RARB: variants seen among roughly 807,000 people sequenced by gnomAD.
RARB encodes retinoic acid receptor beta.
A neutral mutation model predicts 51.9 loss-of-function variants in RARB; 17 were observed. That is an observed-to-expected ratio of 0.33 (90% CI 0.22 to 0.49). The LOEUF (loss-of-function observed/expected upper bound fraction) is 0.49. Among genes scored for constraint, RARB ranks in the 20% least tolerant of loss-of-function variants. RARB has a pLI of 0.99. For synonymous variants in RARB, 215 were observed against 195.4 expected, an observed-to-expected ratio of 1.10 and a Z score of -0.84; for missense variants, 369 against 550.8, an observed-to-expected ratio of 0.67 and a Z score of 3.30.
intron 3 of RARB, among the ~76,000 whole-genome samples, chr3:25,525,288 G>C (rs1698600823): frequency 6.6e-6 from 1 of 152,192 alleles, no homozygotes; most frequent in South Asian, 2.1e-4. Context: ...GAATGAAAGT[G>C]TGGTGTCATT....
chr3:25,208,612 T>A (rs898197718), intron 5 of RARB, among the ~76,000 whole-genome samples: 25 of 152,222 alleles, frequency 1.6e-4, no homozygotes, highest in African/African-American at 6.0e-4. Flanking sequence ...CTATTCTTTT[T>A]TTTTCTAGAA....
At position 25,145,259 on chromosome 3, in the gene RARB, C is replaced by T. The variant is rs560814799; in HGVS notation, c.-280+13051C>T. ...TTCTCTTCCAAATGCCTCCCTGTTC[C>T]CTTGACAGAAAGCCACGGCAATGGT... On this transcript the variant is annotated intron_variant, in intron 4 of 11. Coordinates refer to the RARB transcript ENST00000383772. Among the ~76,000 whole-genome samples the T allele has an allele frequency of 2.0e-3, 307 of 152,248 alleles. 1 individual carries two copies. The highest frequency in any genetic ancestry group is 7.2e-3 in the African/African-American group (298 of 41,552).
At chr3:25,474,924 T>C (rs143394581) in intron 2 of RARB, among the ~76,000 whole-genome samples, 3 of 152,328 alleles carry the variant, frequency 2.0e-5, no homozygotes, top group South Asian at 2.1e-4. Context: ...GAGTCTCATG[T>C]TGTGTACAGT....
chr3:24,851,587 C>T (rs561441780), intron 1 of RARB, among the ~76,000 whole-genome samples: 94 of 152,202 alleles, frequency 6.2e-4, no homozygotes, highest in Non-Finnish European at 1.2e-3. Context: ...CAATCACAGG[C>T]GGGACTCCAG....
At chr3:25,480,084 G>A (rs955804840) in intron 2 of RARB, among the ~76,000 whole-genome samples, 1 of 152,168 alleles carries the variant, frequency 6.6e-6, no homozygotes, top group African/African-American at 2.4e-5. Flanking sequence ...CCTATTACTG[G>A]TATGCAGCCC....
intron 2 of RARB, among the ~76,000 whole-genome samples, chr3:24,867,678 G>A (rs1251727481): frequency 6.6e-6 from 1 of 152,148 alleles, no homozygotes; most frequent in Non-Finnish European, 1.5e-5. Flanking sequence ...AGTGTGCTCA[G>A]TGTTGAAGCA....
chr3:25,082,556 A>G (rs902665115), intron 3 of RARB, among the ~76,000 whole-genome samples: 7 of 151,932 alleles, frequency 4.6e-5, no homozygotes, highest in African/African-American at 1.7e-4. Flanking sequence ...TTACCTTTCT[A>G]TTTACCCTCT....
chr3:25,150,234 G>C (rs1700262338), intron 4 of RARB, among the ~76,000 whole-genome samples: 1 of 151,896 alleles, frequency 6.6e-6, no homozygotes, highest in Non-Finnish European at 1.5e-5. Flanking sequence ...CATCTAACCT[G>C]ATACGCATAG....
intron 2 of RARB, among the ~76,000 whole-genome samples, chr3:24,979,455 CTCT>C (rs1696593058): frequency 6.6e-6 from 1 of 152,096 alleles, no homozygotes; most frequent in South Asian, 2.1e-4. Flanking sequence ...GGATAGTTAG[CTCT>C]TCTTGTTGGA....
chr3:25,013,990 C>A (rs1264301639), intron 2 of RARB, among the ~76,000 whole-genome samples: 1 of 151,936 alleles, frequency 6.6e-6, no homozygotes, highest in Non-Finnish European at 1.5e-5. Context: ...CTTGGTCTAC[C>A]CTTCTCCCTC....
intron 5 of RARB, among the ~76,000 whole-genome samples, chr3:25,343,794 C>T (rs1705304561): frequency 6.6e-6 from 1 of 152,110 alleles, no homozygotes; most frequent in South Asian, 2.1e-4. Flanking sequence ...ATTATTAATA[C>T]ATGTTCAGGT....
chr3:25,246,214 T>C (rs1016908480), intron 5 of RARB, among the ~76,000 whole-genome samples: 2 of 152,190 alleles, frequency 1.3e-5, no homozygotes, highest in Admixed American at 6.5e-5. Flanking sequence ...CAGTTAGCAG[T>C]ACTTCTAACA....
chr3:24,916,562 G>A (rs1370622784), intron 2 of RARB, among the ~76,000 whole-genome samples: 1 of 152,132 alleles, frequency 6.6e-6, no homozygotes, highest in Non-Finnish European at 1.5e-5. Context: ...GATGTCTGAT[G>A]TGCTTAATGA....
chr3:24,883,079 A>G (rs1382664902), intron 2 of RARB, among the ~76,000 whole-genome samples: 1 of 152,136 alleles, frequency 6.6e-6, no homozygotes, highest in Non-Finnish European at 1.5e-5. Context: ...TGTGACATTC[A>G]TTGTAGAGTC....
chr3:25,443,488 G>A (rs189742036), intron 1 of RARB, among the ~76,000 whole-genome samples: 28 of 151,648 alleles, frequency 1.8e-4, no homozygotes, highest in Admixed American at 1.2e-3. Context: ...AAAGCGCGCC[G>A]GTAATCTCAG....
chr3:25,267,668 G>T (rs1483850), intron 5 of RARB, among the ~76,000 whole-genome samples: 107 of 152,094 alleles, frequency 7.0e-4, no homozygotes, highest in African/African-American at 2.6e-3. Context: ...AATGTGCCAA[G>T]TATTTTTAGT....
intron 5 of RARB, among the ~76,000 whole-genome samples, chr3:25,348,688 A>G (rs1705470926): frequency 1.3e-5 from 2 of 152,216 alleles, no homozygotes; most frequent in African/African-American, 4.8e-5. Context: ...AATGTTAGTA[A>G]ATTTAAATGT....
chr3:25,057,679 C>T (rs1698466643), intron 2 of RARB, among the ~76,000 whole-genome samples: 1 of 151,936 alleles, frequency 6.6e-6, no homozygotes, highest in African/African-American at 2.4e-5. Flanking sequence ...AGTTTCTTGG[C>T]TTTTGATTTA....
chr3:25,390,588 CA>C (rs56729368), intron 5 of RARB, among the ~76,000 whole-genome samples: 24,589 of 151,976 alleles, frequency 0.16, 2,322 homozygotes, highest in Admixed American at 0.29. Context: ...TTTTTCTCTT[CA>C]AAAAATAATA....
Sources: allele counts gnomAD v4.1 joint callset (sites outside exome capture counted in the v4.1 genomes callset), GRCh38; gene constraint gnomAD v4.1.1; transcripts MANE v1.5; gene names NCBI Gene and HGNC (gene_info 2026-07-23, HGNC 2026-07-21).